Variants in SLCO6A1 observed in about 807,000 individuals in gnomAD.
SLCO6A1 encodes the protein cancer/testis antigen 48.
In SLCO6A1, 65 loss-of-function variants were observed where a neutral mutation model predicts 72.7. The ratio of observed to expected loss-of-function variants is 0.89; its 90% CI spans 0.73 to 1.10. The LOEUF (loss-of-function observed/expected upper bound fraction) is 1.10. Among genes scored for constraint, SLCO6A1 ranks in the 50% least tolerant of loss-of-function variants. The pLI is 0.00. For synonymous variants in SLCO6A1, 314 were observed against 298.2 expected (o/e 1.05, Z -0.55); for missense variants, 874 against 872.6 (o/e 1.00, Z -0.02).
chr5:102,437,529 C>T (rs1273250091), intron 7 of SLCO6A1, among the ~76,000 whole-genome samples: 1 of 152,038 alleles, frequency 6.6e-6, no homozygotes, highest in Non-Finnish European at 1.5e-5. Flanking sequence ...TGAATTTACT[C>T]CTCACATTCT....
At chr5:102,436,610 CTT>C (rs1749550153) in intron 7 of SLCO6A1, among the ~76,000 whole-genome samples, 1 of 152,190 alleles carries the variant, frequency 6.6e-6, no homozygotes, top group Non-Finnish European at 1.5e-5. Flanking sequence ...GGCATACTCT[CTT>C]CTTTGAGCTG....
At chr5:102,393,660 T>G (rs2112529670) in intron 10 of SLCO6A1, among the ~76,000 whole-genome samples, 1 of 152,302 alleles carries the variant, frequency 6.6e-6, no homozygotes, top group Non-Finnish European at 1.5e-5. Context: ...TTGTTACATC[T>G]AACATGCATC....
At chr5:102,490,762 G>A (rs1752636476) in intron 1 of SLCO6A1, among the ~76,000 whole-genome samples, 1 of 152,168 alleles carries the variant, frequency 6.6e-6, no homozygotes, top group Admixed American at 6.5e-5. Flanking sequence ...CTCCTGGTGG[G>A]TTCGTGGTCT....
chr5:102,417,255 C>A (rs1037375652), intron 8 of SLCO6A1, among the ~76,000 whole-genome samples: 1 of 151,802 alleles, frequency 6.6e-6, no homozygotes, highest in African/African-American at 2.4e-5. Context: ...TTATAAAATA[C>A]AGCATATATA....
chr5:102,462,793 CTTAAA>C (rs1751108146), intron 4 of SLCO6A1, among the ~76,000 whole-genome samples: 1 of 152,124 alleles, frequency 6.6e-6, no homozygotes, highest in Non-Finnish European at 1.5e-5. Context: ...GGATCAAAGA[CTTAAA>C]TTTAAGACCT....
At chr5:102,490,814 G>A (rs1391365317) in intron 1 of SLCO6A1, among the ~76,000 whole-genome samples, 3 of 152,176 alleles carry the variant, frequency 2.0e-5, no homozygotes, top group African/African-American at 4.8e-5. Flanking sequence ...CGCGGTGAGT[G>A]TTACCGCTCA....
intron 1 of SLCO6A1, among the ~76,000 whole-genome samples, chr5:102,491,796 G>A (rs567107049): frequency 7.9e-5 from 12 of 152,362 alleles, no homozygotes; most frequent in East Asian, 1.9e-4. Context: ...GGGCTCCCAC[G>A]GAGCTGCGGC....
chr5:102,387,102 A>C (rs1746460563), intron 12 of SLCO6A1, among the ~76,000 whole-genome samples: 1 of 152,156 alleles, frequency 6.6e-6, no homozygotes, highest in Non-Finnish European at 1.5e-5. Context: ...TGAGGGAAGA[A>C]GTGCTGAAAA....
At chr5:102,416,066 G>A (rs1345517241) in intron 8 of SLCO6A1, among the ~76,000 whole-genome samples, 1 of 152,070 alleles carries the variant, frequency 6.6e-6, no homozygotes. Context: ...ACAGATGTTA[G>A]AAAAGATATG....
At chr5:102,480,534 T>C in intron 1 of SLCO6A1, 100 bp from the exon 2 acceptor site, 1 of 1,153,734 alleles carries the variant, frequency 8.7e-7, no homozygotes, top group South Asian at 1.6e-5. Context: ...GTAAGTTTAT[T>C]TTAAATTATT....
chr5:102,404,832 C>T (rs1459264902), intron 9 of SLCO6A1, among the ~76,000 whole-genome samples: 1 of 152,104 alleles, frequency 6.6e-6, no homozygotes, highest in Non-Finnish European at 1.5e-5. Flanking sequence ...AACTACTCAA[C>T]TGGCATCGCA....
chr5:102,408,712 A>G (rs1747808899), intron 9 of SLCO6A1, among the ~76,000 whole-genome samples: 1 of 152,192 alleles, frequency 6.6e-6, no homozygotes, highest in Non-Finnish European at 1.5e-5. Flanking sequence ...CATATGAAAG[A>G]ATGAAAATGC....
chr5:102,438,761 T>G lies in SLCO6A1; in HGVS notation c.1132A>C (p.Ile378Leu), dbSNP rs754629728. 2.0e-6 allele frequency: 3 copies of G among 1,529,020 alleles called. No individual in the cohort carries two copies. The highest frequency in any genetic ancestry group is 2.1e-4 in the Middle Eastern group (1 of 4,876). 94.7% of individuals were successfully genotyped at this position (1,529,020 alleles called of 1,614,324 possible). ...ATGAGCACTGGATTCTTCATCAGAA[T>G]CTGAAATAAAAATAAGTTATATATC... ...NIKDLCAALWILMKNPVLICL... is the reference protein window; with the variant it reads ...NIKDLCAALWLLMKNPVLICL... The change falls in exon 7 of 14, where the codon ATT becomes CTT. Residue 378 changes from isoleucine (I) to leucine (L), a missense_variant and splice_region_variant. Coordinates refer to ENST00000506729, the MANE Select transcript of SLCO6A1 (RefSeq NM_173488.5).
chr5:102,496,330 T>C (rs1168952040), intron 1 of SLCO6A1, among the ~76,000 whole-genome samples: 1 of 152,190 alleles, frequency 6.6e-6, no homozygotes, highest in Non-Finnish European at 1.5e-5. Flanking sequence ...GATTTTAAAA[T>C]TGTTTACAAT....
chr5:102,418,769 A>G (rs1901519), intron 8 of SLCO6A1, among the ~76,000 whole-genome samples: 32,417 of 151,912 alleles, frequency 0.21, 4,535 homozygotes, highest in Non-Finnish European at 0.28. Flanking sequence ...TCCTTTACCC[A>G]GCACACTCTA....
At chr5:102,438,333 G>T (rs1415175521) in intron 7 of SLCO6A1, among the ~76,000 whole-genome samples, 1 of 152,002 alleles carries the variant, frequency 6.6e-6, no homozygotes, top group African/African-American at 2.4e-5. Context: ...CAGTAAAGAT[G>T]TACAAACATG....
At chr5:102,464,543 A>C (rs1231639175) in intron 4 of SLCO6A1, among the ~76,000 whole-genome samples, 2 of 152,178 alleles carry the variant, frequency 1.3e-5, no homozygotes, top group African/African-American at 2.4e-5. Context: ...ACATAAGGAA[A>C]GTTTAAAGAA....
intron 8 of SLCO6A1, among the ~76,000 whole-genome samples, chr5:102,415,834 TA>T (rs1203189167): frequency 6.6e-6 from 1 of 152,020 alleles, no homozygotes. Context: ...ATCCAGAATA[TA>T]CAAGGAACTC....
At chr5:102,385,780 T>C (rs1746382390) in intron 12 of SLCO6A1, among the ~76,000 whole-genome samples, 1 of 151,902 alleles carries the variant, frequency 6.6e-6, no homozygotes, top group Non-Finnish European at 1.5e-5. Context: ...CTAATTTGAA[T>C]TATGTGTCAG....
Sources: gnomAD v4.1 joint callset for allele counts (sites outside exome capture counted in the v4.1 genomes callset) on GRCh38, gnomAD v4.1.1 for gene constraint, MANE v1.5 for transcripts, NCBI Gene and HGNC (gene_info 2026-07-23, HGNC 2026-07-21) for gene names.